Variants in SYNPR observed in about 807,000 individuals in gnomAD.
SYNPR encodes the protein synaptoporin.
SYNPR carries 23 observed loss-of-function variants against 32.9 expected under a neutral mutation model. That is an observed-to-expected ratio of 0.70 (90% CI 0.50 to 0.99). The LOEUF is 0.99. Among genes scored for constraint, SYNPR ranks in the 50% least tolerant of loss-of-function variants. The pLI is 0.00. For synonymous variants in SYNPR, 146 were observed against 135.9 expected (o/e 1.07, Z -0.52); for missense variants, 318 against 349.3 (o/e 0.91, Z 0.71).
chr3:63,489,127 G>T lies in SYNPR; in HGVS notation c.209+8171G>T, dbSNP rs546717747. Among the ~76,000 whole-genome samples the T allele has an allele frequency of 9.2e-5, 14 of 152,256 alleles. No homozygotes were observed. The South Asian group carries it at 2.9e-3, about 32-fold the overall frequency. ...CCTGGAAGCACCGGTGAGGAATGGG[G>T]ACATGAGACAGGGAAGGGAAGAAAG... On this transcript the variant is annotated intron_variant, in intron 3 of 5. Coordinates refer to ENST00000478300, the MANE Select transcript of SYNPR (RefSeq NM_001130003.2).
intron 1 of SYNPR, among the ~76,000 whole-genome samples, chr3:63,248,588 C>T (rs141203240): frequency 5.3e-5 from 8 of 152,192 alleles, no homozygotes; most frequent in Admixed American, 4.6e-4. Context: ...GTAATCAGTA[C>T]TCATTTGTTC....
At chr3:63,443,355 G>C (rs1196835411) in intron 2 of SYNPR, 6 of 1,542,836 alleles carry the variant, frequency 3.9e-6, no homozygotes, top group African/African-American at 2.7e-5. Flanking sequence ...ACAAGTGGCT[G>C]GTGCTGTGGA....
intron 2 of SYNPR, among the ~76,000 whole-genome samples, chr3:63,315,873 G>T (rs988782375): frequency 6.6e-6 from 1 of 152,014 alleles, no homozygotes; most frequent in African/African-American, 2.4e-5. Context: ...TTTGCTGTGG[G>T]TTTGTCATCA....
intron 2 of SYNPR, among the ~76,000 whole-genome samples, chr3:63,262,572 G>A (rs1560172238): frequency 6.6e-6 from 1 of 152,162 alleles, no homozygotes; most frequent in African/African-American, 2.4e-5. Flanking sequence ...GGTGTTACCT[G>A]GGCCCAACAG....
chr3:63,351,137 A>G (rs1473668961), intron 2 of SYNPR, among the ~76,000 whole-genome samples: 4 of 152,180 alleles, frequency 2.6e-5, no homozygotes, highest in Non-Finnish European at 5.9e-5. Flanking sequence ...AATGCACTGA[A>G]CATCTCAGAA....
chr3:63,408,422 C>T (rs2088418535), intron 2 of SYNPR, among the ~76,000 whole-genome samples: 1 of 152,048 alleles, frequency 6.6e-6, no homozygotes. Flanking sequence ...CTCATGTGAT[C>T]ATGGAGGCTG....
intron 2 of SYNPR, among the ~76,000 whole-genome samples, chr3:63,406,333 G>A (rs1228007506): frequency 6.6e-6 from 1 of 152,090 alleles, no homozygotes; most frequent in Non-Finnish European, 1.5e-5. Context: ...AAAAAAGAAG[G>A]AAGAAATCAA....
intron 2 of SYNPR, among the ~76,000 whole-genome samples, chr3:63,298,314 A>G (rs2086811013): frequency 6.6e-6 from 1 of 152,114 alleles, no homozygotes; most frequent in Non-Finnish European, 1.5e-5. Flanking sequence ...CTCTCCTTCA[A>G]ATGAAATTTT....
chr3:63,533,071 T>C (rs1702138744), intron 3 of SYNPR, among the ~76,000 whole-genome samples: 1 of 152,204 alleles, frequency 6.6e-6, no homozygotes, highest in South Asian at 2.1e-4. Flanking sequence ...ACAGTCTCTC[T>C]GGCATTACCG....
chr3:63,300,725 T>C (rs2086836288), intron 2 of SYNPR, among the ~76,000 whole-genome samples: 1 of 152,046 alleles, frequency 6.6e-6, no homozygotes, highest in African/African-American at 2.4e-5. Flanking sequence ...AACTCTGGTA[T>C]AATTTACAGT....
chr3:63,546,196 T>C (rs1252513362), intron 3 of SYNPR, among the ~76,000 whole-genome samples: 2 of 152,108 alleles, frequency 1.3e-5, no homozygotes, highest in African/African-American at 4.8e-5. Flanking sequence ...GAGCCAAAAT[T>C]AATAAATCAT....
At chr3:63,585,733 T>C (rs559219905) in intron 4 of SYNPR, among the ~76,000 whole-genome samples, 1 of 152,248 alleles carries the variant, frequency 6.6e-6, no homozygotes, top group East Asian at 1.9e-4. Context: ...GATGCCTAGT[T>C]GTGCAAGATA....
chr3:63,615,437 G>A lies in SYNPR; in HGVS notation c.814G>A (p.Gly272Ser), dbSNP rs1345019682. 6.2e-7 allele frequency: 1 copy of A among 1,613,830 alleles called. No homozygotes were observed. The highest frequency in any genetic ancestry group is 8.5e-7 in the Non-Finnish European group (1 of 1,179,890). ...ASLGPTSDEF[G>S]QQPTGPTSFT... Reference sequence around the variant, plus strand: ...TTTGGGGCCAACCTCAGATGAGTTTGGCCAACAGCCTACTGGCCCCACTTC... The same window carrying A: ...TTTGGGGCCAACCTCAGATGAGTTTAGCCAACAGCCTACTGGCCCCACTTC... The change falls in exon 6 of 6, where the codon GGC becomes AGC. Residue 272 changes from glycine to serine, a missense_variant. By Grantham distance (56) the Gly-to-Ser change is moderately conservative. Transcript: ENST00000478300.
chr3:63,323,789 A>G (rs2087136532), intron 2 of SYNPR, among the ~76,000 whole-genome samples: 1 of 152,150 alleles, frequency 6.6e-6, no homozygotes. Context: ...AGGACAGGAA[A>G]TTATATTTAC....
intron 5 of SYNPR, chr3:63,610,599 A>G (rs1700184319): frequency 3.1e-6 from 2 of 654,718 alleles, no homozygotes; most frequent in Non-Finnish European, 5.6e-6. Flanking sequence ...GGGTCTCACA[A>G]TAATTTTTAT....
rs111694255 is a variant in SYNPR, at chr3:63,368,239, A to G, written c.84+89497A>G. On this transcript the variant is annotated intron_variant, in intron 2 of 5. Coordinates refer to ENST00000478300, the MANE Select transcript of SYNPR (RefSeq NM_001130003.2). ...CACAGATATCTGCCTTGGTTAGCAC[A>G]TTGTCTGCTTCCCAGCAGAGGTTCA... Among the ~76,000 whole-genome samples, 38 of 152,304 alleles carry G rather than the reference A, an allele frequency of 2.5e-4. 1 individual carries two copies. Among genetic ancestry groups the G allele is most frequent in the African/African-American group, 8.4e-4 (35 of 41,570 alleles).
At chr3:63,522,795 A>C (rs945756642) in intron 3 of SYNPR, among the ~76,000 whole-genome samples, 3 of 152,132 alleles carry the variant, frequency 2.0e-5, no homozygotes, top group Non-Finnish European at 2.9e-5. Flanking sequence ...AAAGGGAGGC[A>C]AGGGGTCCAG....
At chr3:63,441,653 A>C (rs1340835379) in intron 2 of SYNPR, among the ~76,000 whole-genome samples, 1 of 152,194 alleles carries the variant, frequency 6.6e-6, no homozygotes, top group Non-Finnish European at 1.5e-5. Flanking sequence ...ATTGAAGTGC[A>C]GAGATTTGTC....
upstream of SYNPR, among the ~76,000 whole-genome samples, chr3:63,226,735 T>C (rs1323947717): frequency 6.6e-6 from 1 of 151,926 alleles, no homozygotes; most frequent in East Asian, 1.9e-4. Context: ...GGAAGAGAGA[T>C]TGGTGAATGG....
Sources: gnomAD v4.1 joint callset for allele counts (sites outside exome capture counted in the v4.1 genomes callset) on GRCh38, gnomAD v4.1.1 for gene constraint, MANE v1.5 for transcripts, NCBI Gene and HGNC (gene_info 2026-07-23, HGNC 2026-07-21) for gene names.